The following SORCS2 variants were observed in gnomAD, a reference collection of about 807,000 sequenced individuals.
SORCS2 encodes VPS10 domain-containing receptor SorCS2.
SORCS2 carries 100 observed loss-of-function variants against 141.6 expected under a neutral mutation model. The observed-to-expected ratio is 0.71, with a 90% CI of 0.60 to 0.83. The LOEUF is 0.83. Ranked by LOEUF, SORCS2 falls within the 40% of genes least tolerant of loss-of-function variation. The pLI, the probability that SORCS2 is intolerant of heterozygous loss-of-function variation, is 0.00. For missense variants in SORCS2, 1,646 were observed against 1,560.2 expected (o/e 1.05, Z -0.93); for synonymous variants, 789 against 676.9 (o/e 1.17, Z -2.57).
chr4:7,484,175 T>C (rs951317625), intron 2 of SORCS2, among the ~76,000 whole-genome samples: 1 of 152,218 alleles, frequency 6.6e-6, no homozygotes, highest in African/African-American at 2.4e-5. Flanking sequence ...GGTAATCTAC[T>C]CTCAAAAACC....
intron 1 of SORCS2, among the ~76,000 whole-genome samples, chr4:7,350,501 A>G (rs1720877717): frequency 6.6e-6 from 1 of 152,228 alleles, no homozygotes; most frequent in Non-Finnish European, 1.5e-5. Flanking sequence ...ACACTCCCAA[A>G]GGGCAGCGTG....
At position 7,305,283 on chromosome 4, in the gene SORCS2, G is replaced by A. The variant is rs1161883988; in HGVS notation, c.481-91005G>A. Among the ~76,000 whole-genome samples, 8 of 151,798 alleles carry A rather than the reference G, an allele frequency of 5.3e-5. No homozygotes were observed. The South Asian group carries it at 6.2e-4, about 12-fold the overall frequency. On this transcript the variant is annotated intron_variant, in intron 1 of 26. Transcript: ENST00000507866. ...GCTGACCTCGTGATCTGCCCGCCTC[G>A]GCCTCCCAAAGTGCTGGGATCACAG...
chr4:7,350,373 T>G (rs1415446032), intron 1 of SORCS2, among the ~76,000 whole-genome samples: 2 of 152,208 alleles, frequency 1.3e-5, no homozygotes, highest in African/African-American at 4.8e-5. Flanking sequence ...TCAGATATAA[T>G]TTTGAAGACC....
At chr4:7,224,728 AAGG>A (rs1295494310) in intron 1 of SORCS2, among the ~76,000 whole-genome samples, 1 of 152,136 alleles carries the variant, frequency 6.6e-6, no homozygotes, top group Admixed American at 6.5e-5. Context: ...AAACCATATC[AAGG>A]AGGAGGAGGT....
chr4:7,703,179 CCG>C, intron 12 of SORCS2, 99 bp from the exon 13 acceptor site: 5 of 921,576 alleles, frequency 5.4e-6, no homozygotes, highest in Non-Finnish European at 8.1e-6. Context: ...CCAACAACCC[CCG>C]GCTGCACATT....
chr4:7,245,278 C>A (rs34295398), intron 1 of SORCS2, among the ~76,000 whole-genome samples: 2 of 152,330 alleles, frequency 1.3e-5, no homozygotes, highest in Non-Finnish European at 2.9e-5. Flanking sequence ...GTCCACCCCC[C>A]ACCCCGGCTT....
intron 23 of SORCS2, among the ~76,000 whole-genome samples, chr4:7,731,960 A>G (rs1711725777): frequency 6.6e-6 from 1 of 152,250 alleles, no homozygotes; most frequent in African/African-American, 2.4e-5. Flanking sequence ...CAGGATGTCA[A>G]ACCAAGAGAC....
rs114834894 is a variant in SORCS2, at chr4:7,697,053, C to T, written c.1592-145C>T. 4,202 of 651,850 alleles carry T rather than the reference C, an allele frequency of 6.4e-3. 32 individuals carry two copies. Among genetic ancestry groups the T allele is most frequent in the South Asian group, 0.013 (686 of 53,314 alleles). The allele number at this position is 651,850 out of a possible 1,614,324, so 40.4% of individuals were successfully genotyped here. The stretch of plus-strand genomic sequence containing the variant: ...CATAGACCCAGACCCAGGGCCCCAG[C>T]GCAGCAGCCACAGCAGGTCTGTGGG... On this transcript the variant is annotated intron_variant, in intron 11 of 26. Coordinates refer to ENST00000507866, the MANE Select transcript of SORCS2 (RefSeq NM_020777.3).
intron 1 of SORCS2, among the ~76,000 whole-genome samples, chr4:7,296,600 C>T (rs1717075799): frequency 6.6e-6 from 1 of 152,228 alleles, no homozygotes; most frequent in Non-Finnish European, 1.5e-5. Context: ...TGGCTACAAG[C>T]ATGGACCTTG....
rs1428230325 is a variant in SORCS2 at position 7,286,338 on chromosome 4, A to C, written c.480+93212A>C. Among the ~76,000 whole-genome samples the C allele has an allele frequency of 6.6e-6, 1 of 152,170 alleles. No individual in the cohort carries two copies. The highest frequency in any genetic ancestry group is 1.5e-5 in the Non-Finnish European group (1 of 68,022). On this transcript the variant is annotated intron_variant, in intron 1 of 26. Coordinates refer to ENST00000507866, the MANE Select transcript of SORCS2 (RefSeq NM_020777.3). The surrounding 1 kb of genome is among the most constrained non-coding windows in gnomAD (Gnocchi z 4.1). The stretch of plus-strand genomic sequence containing the variant: ...AGCAGGCCTGTTGTGGGAGCAGCGG[A>C]AGAGCCTGGGGTGGCTCTGGGGCTG...
intron 18 of SORCS2, among the ~76,000 whole-genome samples, chr4:7,719,381 C>T (rs1006857705): frequency 2.6e-5 from 4 of 152,230 alleles, no homozygotes; most frequent in Admixed American, 6.5e-5. Flanking sequence ...GTGGCGTCCT[C>T]TTGCCAACCT....
intron 17 of SORCS2, among the ~76,000 whole-genome samples, chr4:7,715,548 A>C (rs1726137286): frequency 6.6e-6 from 1 of 152,230 alleles, no homozygotes; most frequent in South Asian, 2.1e-4. Context: ...AAAGGAACCC[A>C]CAGGGTTCTC....
chr4:7,624,073 G>T (rs929062155), intron 3 of SORCS2, among the ~76,000 whole-genome samples: 2 of 152,118 alleles, frequency 1.3e-5, no homozygotes, highest in Non-Finnish European at 2.9e-5. Flanking sequence ...AAAGCATTTG[G>T]TCCAGTGCCC....
chr4:7,658,437 C>T (rs1721945457), intron 5 of SORCS2, among the ~76,000 whole-genome samples: 1 of 152,124 alleles, frequency 6.6e-6, no homozygotes, highest in African/African-American at 2.4e-5. Context: ...GGTGGAGGGC[C>T]TGCTGCTGAA....
chr4:7,734,809 G>A (rs908993822), intron 25 of SORCS2, among the ~76,000 whole-genome samples: 2 of 152,182 alleles, frequency 1.3e-5, no homozygotes, highest in Non-Finnish European at 2.9e-5. Flanking sequence ...TCGGCCGCCC[G>A]CCCATCCCTT....
At chr4:7,688,062 T>A (rs1723986373) in intron 10 of SORCS2, among the ~76,000 whole-genome samples, 1 of 152,206 alleles carries the variant, frequency 6.6e-6, no homozygotes, top group Non-Finnish European at 1.5e-5. Context: ...TCGCATCTTA[T>A]CCAAGTCAAT....
intron 1 of SORCS2, among the ~76,000 whole-genome samples, chr4:7,371,142 T>C (rs189618272): frequency 6.6e-6 from 1 of 152,336 alleles, no homozygotes; most frequent in East Asian, 1.9e-4. Flanking sequence ...ACAGGATGTT[T>C]GTCCAGAGGT....
At chr4:7,200,928 G>T (rs915243161) in intron 1 of SORCS2, among the ~76,000 whole-genome samples, 7 of 152,148 alleles carry the variant, frequency 4.6e-5, no homozygotes, top group Non-Finnish European at 1.0e-4. Context: ...CTAGCTCAAG[G>T]CCCGGCTCGT....
At chr4:7,335,760 C>T (rs575762272) in intron 1 of SORCS2, among the ~76,000 whole-genome samples, 7 of 152,334 alleles carry the variant, frequency 4.6e-5, no homozygotes, top group South Asian at 2.1e-4. Flanking sequence ...AAGACTTGCT[C>T]GGGCTCCCGG....
Sources: gnomAD v4.1 joint callset for allele counts (sites outside exome capture counted in the v4.1 genomes callset) on GRCh38, gnomAD v4.1.1 for gene constraint, Gnocchi (gnomAD v3.1) non-coding constraint, MANE v1.5 for transcripts, NCBI Gene and HGNC (gene_info 2026-07-23, HGNC 2026-07-21) for gene names.